Variants in SMTN observed in about 807,000 individuals in gnomAD.
The protein encoded by SMTN is smoothelin.
In SMTN, 58 loss-of-function variants were observed where a neutral mutation model predicts 102.0. The observed-to-expected ratio is 0.57, with a 90% CI of 0.46 to 0.71. The LOEUF is 0.71. SMTN is among the 30% of genes least tolerant of loss of function. The pLI is 0.00. For synonymous variants in SMTN, 478 were observed against 497.9 expected, an observed-to-expected ratio of 0.96 and a Z score of 0.53; for missense variants, 1,185 against 1,241.7, an observed-to-expected ratio of 0.95 and a Z score of 0.69.
intron 19 of SMTN, 43 bp from the exon 20 acceptor site, chr22:31,100,842 T>C: frequency 3.3e-6 from 2 of 601,766 alleles, no homozygotes; most frequent in Admixed American, 2.4e-5. Context: ...CCTGGCCTCC[T>C]GCCCCCGTCC....
In SMTN at chr22:31,090,963, T is replaced by C. The variant is rs375771960; in HGVS notation, c.940T>C (p.Ser314Pro). 2.2e-5 allele frequency: 36 copies of C among 1,612,904 alleles called. No homozygotes were observed. The highest frequency in any genetic ancestry group is 3.0e-5 in the Non-Finnish European group (35 of 1,179,296). ...GACAGCCCTCCTGTTCCTTCTAGAG[T>C]CCACCCCCCTTGCCAGCGGACCTTC... ...SPRQPAQNRE[S>P]TPLASGPSSF... The change falls in exon 10 of 21, where the codon TCC becomes CCC. Residue 314 changes from serine to proline, a missense_variant and splice_region_variant. Ser to Pro is a moderately conservative substitution (Grantham distance 74). Transcript: ENST00000333137.
In SMTN at chr22:31,104,411, C is replaced by A. The variant is rs774134381; in HGVS notation, c.*116C>A. 1 of 1,614,126 alleles carries A rather than the reference C, an allele frequency of 6.2e-7. No homozygotes were observed. Among genetic ancestry groups the A allele is most frequent in the Non-Finnish European group, 8.5e-7 (1 of 1,180,012 alleles). On this transcript the variant is annotated 3_prime_UTR_variant, in exon 21 of 21. Coordinates refer to ENST00000333137, the MANE Select transcript of SMTN (RefSeq NM_134269.3). ...AAGTGTGTCTTCACCTATGTGCAGTCGCTCTACAACCACCTGCGACGCCAC... is the reference window on the plus strand; with the variant it reads ...AAGTGTGTCTTCACCTATGTGCAGTAGCTCTACAACCACCTGCGACGCCAC...
chr22:31,071,221 C>G (rs1390524796), intron 1 of SMTN, among the ~76,000 whole-genome samples: 1 of 139,470 alleles, frequency 7.2e-6, no homozygotes, highest in African/African-American at 2.8e-5. Context: ...ACCTGTGCAA[C>G]AGAGCTACAC....
intron 16 of SMTN, 40 bp downstream of exon 16, chr22:31,097,378 G>A (rs563677461): frequency 2.5e-6 from 4 of 1,573,858 alleles, no homozygotes; most frequent in Admixed American, 1.7e-5. Flanking sequence ...AGAGGAGTCA[G>A]TGCCACAGGG....
At chr22:31,067,906 T>A (rs1569231179) in intron 1 of SMTN, 1 of 151,982 alleles carries the variant, frequency 6.6e-6, no homozygotes, top group Admixed American at 6.6e-5. Flanking sequence ...CGGTGGCTCA[T>A]GCCTATAATC....
Position 31,083,232 on chromosome 22 carries a change from G to T in SMTN, c.-27G>T, listed in dbSNP as rs1341229963. ...AGGCACTGGGGATCTCACCAGAAAG[G>T]AACCGACGGAGCTAGGGGCCAGCGA... On this transcript the variant is annotated 5_prime_UTR_variant, in exon 2 of 21. Transcript: ENST00000333137. The T allele has an allele frequency of 5.0e-6, 8 of 1,597,000 alleles. No homozygotes were observed. The South Asian group carries it at 9.1e-5, about 18-fold the overall frequency.
chr22:31,090,864 C>T lies in SMTN; in HGVS notation c.922C>T (p.Pro308Ser), dbSNP rs777325908. The T allele has an allele frequency of 9.3e-6, 15 of 1,614,010 alleles. No individual in the cohort carries two copies. The South Asian group carries it at 1.6e-4, about 18-fold the overall frequency. Reference sequence around the variant, plus strand: ...CCTGTCGGTGCTCAGCCCCCGCCAACCAGCCCAGAACCGAGGTACTACCTA... The same window carrying T: ...CCTGTCGGTGCTCAGCCCCCGCCAATCAGCCCAGAACCGAGGTACTACCTA... ...RSLSVLSPRQPAQNRESTPLA... is the reference protein window; with the variant it reads ...RSLSVLSPRQSAQNRESTPLA... Residue 308 changes from proline (P) to serine (S), a missense_variant, in exon 9 of 21, where the codon CCA becomes TCA. Physicochemically the swap from Pro to Ser is moderately conservative, Grantham distance 74 (BLOSUM62 -1). Around this residue, in one of 2 missense-constraint regions of SMTN, gnomAD observed 1,096 missense variants for 1,112.7 expected, o/e 0.98. Transcript: ENST00000333137.
chr22:31,093,626 CAG>C, intron 11 of SMTN: 1 of 767,358 alleles, frequency 1.3e-6, no homozygotes, highest in Non-Finnish European at 2.4e-6. Flanking sequence ...GAGCTGCGGG[CAG>C]AGAGAGCAGC....
In SMTN at chr22:31,083,264, G is replaced by A. The variant is rs772554822; in HGVS notation, c.6G>A (p.Ala2=). ...CGGAGCTAGGGGCCAGCGAGATGGC[G>A]GACGAGGCCTTAGCTGGGCTGGATG... The part of the protein sequence containing the change: M[A]DEALAGLDEG... The change falls in exon 2 of 21, where the codon GCG becomes GCA. Residue 2 remains alanine (A), a synonymous_variant. Coordinates refer to ENST00000333137, the MANE Select transcript of SMTN (RefSeq NM_134269.3). The A allele has an allele frequency of 1.9e-5, 31 of 1,596,630 alleles. No individual in the cohort carries two copies. The highest frequency in any genetic ancestry group is 9.4e-5 in the African/African-American group (7 of 74,818).
chr22:31,098,935 C>T, intron 17 of SMTN, 95 bp downstream of exon 17: 7 of 1,549,812 alleles, frequency 4.5e-6, no homozygotes, highest in Non-Finnish European at 6.1e-6. Context: ...GCGGGAAGAC[C>T]GCGCGGCTAG....
Position 31,104,548 on chromosome 22 carries a change from C to A in SMTN, c.*253C>A. On this transcript the variant is annotated 3_prime_UTR_variant, in exon 21 of 21. Coordinates refer to ENST00000333137, the MANE Select transcript of SMTN (RefSeq NM_134269.3). Reference sequence around the variant, plus strand: ...CGTCTCCTGCCTGTGCGTCCGCCCACCGCTGCCCTGTCTGTTGCGACACCC... The same window carrying A: ...CGTCTCCTGCCTGTGCGTCCGCCCAACGCTGCCCTGTCTGTTGCGACACCC... 1.4e-6 allele frequency: 2 copies of A among 1,440,034 alleles called. No individual in the cohort carries two copies. The highest frequency in any genetic ancestry group is 9.6e-7 in the Non-Finnish European group (1 of 1,038,548). The allele number at this position is 1,440,034 out of a possible 1,614,324, so 89.2% of individuals were successfully genotyped here.
At chr22:31,089,645 G>A in intron 6 of SMTN, 54 bp from the exon 7 acceptor site, 1 of 1,510,970 alleles carries the variant, frequency 6.6e-7, no homozygotes, top group Non-Finnish European at 9.0e-7. Flanking sequence ...TCAGTGGTGG[G>A]GGTGGCGTTC....
chr22:31,089,045 C>T (rs2147655096), intron 6 of SMTN, 76 bp downstream of exon 6: 1 of 1,217,802 alleles, frequency 8.2e-7, no homozygotes, highest in Non-Finnish European at 1.2e-6. Flanking sequence ...AGTGTCTTTG[C>T]TAGGCTGGTA....
chr22:31,075,988 A>G (rs947105007), intron 1 of SMTN, among the ~76,000 whole-genome samples: 16 of 152,072 alleles, frequency 1.1e-4, no homozygotes, highest in African/African-American at 3.6e-4. Context: ...CCTCCGTGCC[A>G]TTTGGCTATT....
intron 16 of SMTN, 51 bp from the exon 17 acceptor site, chr22:31,098,616 T>C (rs1192368358): frequency 6.3e-7 from 1 of 1,579,596 alleles, no homozygotes; most frequent in Non-Finnish European, 8.7e-7. Flanking sequence ...TGGTCCAGGC[T>C]GGGGAGCAGC....
Position 31,095,807 on chromosome 22 carries a change from T to G in SMTN, c.1861+198T>G. 1 of 599,216 alleles carries G rather than the reference T, an allele frequency of 1.7e-6. No individual in the cohort carries two copies. Among genetic ancestry groups the G allele is most frequent in the Non-Finnish European group, 3.0e-6 (1 of 338,058 alleles). 37.1% of individuals were successfully genotyped at this position (599,216 alleles called of 1,614,324 possible). Reference sequence around the variant, plus strand: ...TCCCTAGCTCCTTCTCTCCCGCTGGTGACCCCAGTTATTCTCCCCAACCAG... The same window carrying G: ...TCCCTAGCTCCTTCTCTCCCGCTGGGGACCCCAGTTATTCTCCCCAACCAG... On this transcript the variant is annotated intron_variant, in intron 13 of 20. Transcript: ENST00000333137. The surrounding 1 kb of genome is among the most constrained non-coding windows in gnomAD (Gnocchi z 4.1).
At position 31,104,486 on chromosome 22, in the gene SMTN, A is replaced by C; in HGVS notation, c.*191A>C. ...GTCTAGCCTGCCCGCCCGCATGGCC[A>C]GCCAGTGGCAAGCTGCCGCCCCCAC... On this transcript the variant is annotated 3_prime_UTR_variant, in exon 21 of 21. Transcript: ENST00000333137. 1.2e-6 allele frequency: 2 copies of C among 1,608,746 alleles called. No individual in the cohort carries two copies. The highest frequency in any genetic ancestry group is 1.7e-6 in the Non-Finnish European group (2 of 1,179,148).
At position 31,070,254 on chromosome 22, in the gene SMTN, C is replaced by T. The variant is rs1231742033; in HGVS notation, c.-386+6067C>T. ...AAGGGTCGGTGTAATGCTCTGCTGT[C>T]ACTATCTTGAAATACTTCAGAATTT... On this transcript the variant is annotated intron_variant, in intron 1 of 3. Transcript: ENST00000422839. Among the ~76,000 whole-genome samples, 3 of 152,198 alleles carry T rather than the reference C, an allele frequency of 2.0e-5. No individual in the cohort carries two copies. In the East Asian group the frequency reaches 5.8e-4, roughly 29 times the overall value.
At chr22:31,084,971 G>T in intron 2 of SMTN, 5 of 1,454,284 alleles carry the variant, frequency 3.4e-6, no homozygotes, top group Non-Finnish European at 4.5e-6. Flanking sequence ...GAAAAGCTAG[G>T]CCCGCTCCGC....
Sources: allele counts gnomAD v4.1 joint callset (sites outside exome capture counted in the v4.1 genomes callset), GRCh38; gene constraint gnomAD v4.1.1; regional missense constraint gnomAD v4.1.1; non-coding constraint Gnocchi (gnomAD v3.1); transcripts MANE v1.5; gene names NCBI Gene and HGNC (gene_info 2026-07-23, HGNC 2026-07-21).